The following ZMAT4 variants were observed in gnomAD, a reference collection of about 807,000 sequenced individuals.
The protein encoded by ZMAT4 is zinc finger matrin-type protein 4.
ZMAT4 carries 17 observed loss-of-function variants against 28.7 expected under a neutral mutation model. The ratio of observed to expected loss-of-function variants is 0.59; its 90% CI spans 0.41 to 0.89. The LOEUF is 0.89. Ranked by LOEUF, ZMAT4 falls within the 40% of genes least tolerant of loss-of-function variation. ZMAT4 has a pLI of 0.00. For missense variants in ZMAT4, 240 were observed against 283.8 expected (o/e 0.85, Z 1.11); for synonymous variants, 117 against 109.2 (o/e 1.07, Z -0.44).
intron 5 of ZMAT4, among the ~76,000 whole-genome samples, chr8:40,642,071 A>C (rs1807056597): frequency 6.6e-6 from 1 of 152,230 alleles, no homozygotes; most frequent in Admixed American, 6.5e-5. Context: ...AAGGTTGTCA[A>C]ATTTACCAAA....
intron 3 of ZMAT4, among the ~76,000 whole-genome samples, chr8:40,739,276 A>G (rs1337453511): frequency 6.6e-6 from 1 of 152,176 alleles, no homozygotes; most frequent in Non-Finnish European, 1.5e-5. Flanking sequence ...GCTTCTCATC[A>G]AGGAGCAAAT....
intron 2 of ZMAT4, among the ~76,000 whole-genome samples, chr8:40,820,762 C>A: frequency 1.7e-5 from 2 of 120,146 alleles, no homozygotes; most frequent in East Asian, 2.7e-4. Context: ...TGTGCATATG[C>A]ATGTGTATAT....
chr8:40,599,040 A>G (rs555377246), intron 5 of ZMAT4, among the ~76,000 whole-genome samples: 28 of 152,208 alleles, frequency 1.8e-4, no homozygotes, highest in Admixed American at 3.3e-4. Flanking sequence ...AATGCCTGAC[A>G]TTGACCTTTA....
chr8:40,776,469 A>C (rs575142813), intron 2 of ZMAT4, among the ~76,000 whole-genome samples: 1 of 152,222 alleles, frequency 6.6e-6, no homozygotes, highest in African/African-American at 2.4e-5. Context: ...AACTCAAAAA[A>C]TTAAATTACC....
intron 1 of ZMAT4, among the ~76,000 whole-genome samples, chr8:40,844,811 G>C (rs1458277932): frequency 6.6e-6 from 1 of 152,074 alleles, no homozygotes; most frequent in Non-Finnish European, 1.5e-5. Flanking sequence ...GGTAGTAAAA[G>C]TGTCTTTCTT....
chr8:40,733,428 T>C (rs540323451), intron 3 of ZMAT4, among the ~76,000 whole-genome samples: 2 of 152,340 alleles, frequency 1.3e-5, no homozygotes, highest in South Asian at 4.1e-4. Context: ...CTAGTCACAA[T>C]GTTAACTCAC....
At chr8:40,720,701 A>G (rs1189509832) in intron 3 of ZMAT4, among the ~76,000 whole-genome samples, 3 of 151,440 alleles carry the variant, frequency 2.0e-5, no homozygotes, top group Non-Finnish European at 4.4e-5. Context: ...TAATTTTTGT[A>G]TTTCTCTAGA....
intron 6 of ZMAT4, among the ~76,000 whole-genome samples, chr8:40,557,555 C>T (rs1285688095): frequency 6.6e-6 from 1 of 152,190 alleles, no homozygotes; most frequent in Non-Finnish European, 1.5e-5. Context: ...GTCCATTCTT[C>T]AACAACTCAA....
chr8:40,894,337 C>T (rs1295995590), intron 1 of ZMAT4, among the ~76,000 whole-genome samples: 1 of 152,212 alleles, frequency 6.6e-6, no homozygotes, highest in African/African-American at 2.4e-5. Flanking sequence ...CTATCACATT[C>T]CACAATTCCT....
chr8:40,773,618 C>T (rs1813476657), intron 2 of ZMAT4, among the ~76,000 whole-genome samples: 1 of 152,078 alleles, frequency 6.6e-6, no homozygotes, highest in African/African-American at 2.4e-5. Flanking sequence ...TTTTAAATGG[C>T]ACTTTTTTGT....
chr8:40,568,571 C>A (rs1368899567), intron 6 of ZMAT4, among the ~76,000 whole-genome samples: 1 of 152,152 alleles, frequency 6.6e-6, no homozygotes, highest in African/African-American at 2.4e-5. Context: ...TACACCTCAA[C>A]ATTCATCTAC....
chr8:40,737,240 A>C (rs1811806253), intron 3 of ZMAT4, among the ~76,000 whole-genome samples: 1 of 152,004 alleles, frequency 6.6e-6, no homozygotes, highest in African/African-American at 2.4e-5. Flanking sequence ...CTCGTCAGCT[A>C]TCATTAGTGT....
chr8:40,813,156 C>T (rs1256214349), intron 2 of ZMAT4, among the ~76,000 whole-genome samples: 2 of 151,970 alleles, frequency 1.3e-5, no homozygotes, highest in African/African-American at 4.8e-5. Flanking sequence ...AAATCTAAAA[C>T]TATTCTAAAA....
intron 2 of ZMAT4, among the ~76,000 whole-genome samples, chr8:40,807,298 C>T (rs1419729010): frequency 8.6e-5 from 13 of 151,916 alleles, no homozygotes; most frequent in African/African-American, 1.9e-4. Flanking sequence ...AAAAATTAGC[C>T]GGGCATGGTG....
intron 3 of ZMAT4, among the ~76,000 whole-genome samples, chr8:40,717,683 A>G (rs150718628): frequency 6.6e-6 from 1 of 152,120 alleles, no homozygotes; most frequent in Admixed American, 6.6e-5. Flanking sequence ...AAAAAAATTA[A>G]TTTAAAATCA....
chr8:40,729,062 T>C (rs1811424609), intron 3 of ZMAT4, among the ~76,000 whole-genome samples: 1 of 152,258 alleles, frequency 6.6e-6, no homozygotes, highest in South Asian at 2.1e-4. Flanking sequence ...GAATACATCA[T>C]GAATTTGTTT....
intron 6 of ZMAT4, among the ~76,000 whole-genome samples, chr8:40,567,137 G>A (rs191019932): frequency 9.2e-5 from 14 of 152,198 alleles, no homozygotes; most frequent in Non-Finnish European, 1.3e-4. Flanking sequence ...ACCAGAGGCC[G>A]TAGATAGAAC....
chr8:40,802,307 T>C (rs1047293079), intron 2 of ZMAT4, among the ~76,000 whole-genome samples: 10 of 152,192 alleles, frequency 6.6e-5, no homozygotes, highest in African/African-American at 2.4e-4. Flanking sequence ...ACAAATGACA[T>C]GATTGTTTTT....
intron 3 of ZMAT4, among the ~76,000 whole-genome samples, chr8:40,742,096 A>AAAAACAG (rs766861682): frequency 3.3e-5 from 5 of 151,136 alleles, no homozygotes; most frequent in African/African-American, 9.7e-5. Flanking sequence ...AAAAAAAACA[A>AAAAACAG]AAAACAAAAA....
Sources: allele counts gnomAD v4.1 joint callset (sites outside exome capture counted in the v4.1 genomes callset), GRCh38; gene constraint gnomAD v4.1.1; transcripts MANE v1.5; gene names NCBI Gene and HGNC (gene_info 2026-07-23, HGNC 2026-07-21).